The following NELL1 variants were observed in gnomAD, a reference collection of about 807,000 sequenced individuals.
NELL1 encodes the protein neural EGFL like 1.
A neutral mutation model predicts 107.4 loss-of-function variants in NELL1; 76 were observed. That is an observed-to-expected ratio of 0.71 (90% CI 0.59 to 0.86). NELL1 has a LOEUF of 0.86. Among genes scored for constraint, NELL1 ranks in the 40% least tolerant of loss-of-function variants. The probability of loss-of-function intolerance (pLI) is 0.00; values close to 1 mark genes in which losing one functional copy is unlikely to be tolerated. For synonymous variants in NELL1, 353 were observed against 341.2 expected (o/e 1.03, Z -0.38); for missense variants, 1,024 against 1,005.5 (o/e 1.02, Z -0.25).
In NELL1 at chr11:20,701,047, T is replaced by C. The variant is rs141913954; in HGVS notation, c.184+22987T>C. On this transcript the variant is annotated intron_variant, in intron 2 of 19. Transcript: ENST00000357134. Reference sequence around the variant, plus strand: ...TCAGTAATGGGATGGCTGGGTCAAATGGTATTTCTAGTTCTAGATCCTTGA... The same window carrying C: ...TCAGTAATGGGATGGCTGGGTCAAACGGTATTTCTAGTTCTAGATCCTTGA... Among the ~76,000 whole-genome samples the C allele has an allele frequency of 6.0e-3, 909 of 152,276 alleles. 9 individuals carry two copies. The highest frequency in any genetic ancestry group is 0.021 in the African/African-American group (871 of 41,568).
At chr11:21,204,229 G>GACA (rs1857338299) in intron 13 of NELL1, among the ~76,000 whole-genome samples, 1 of 152,062 alleles carries the variant, frequency 6.6e-6, no homozygotes, top group Non-Finnish European at 1.5e-5. Context: ...CCATTCCCCT[G>GACA]TCACTTTCAG....
rs1330512840 is a variant in NELL1 at position 21,162,005 on chromosome 11, C to T, written c.1426+48291C>T. Among the ~76,000 whole-genome samples, 6 of 121,590 alleles carry T rather than the reference C, an allele frequency of 4.9e-5. No homozygotes were observed. In the Admixed American group the frequency reaches 7.0e-4, roughly 14 times the overall value. The allele number at this position is 121,590 out of a possible 152,430, so 79.8% of individuals were successfully genotyped here. A position where few individuals can be genotyped will look rare whatever the true frequency, so the allele number is the denominator to read the frequency against. ...TTGCTCTGTTGCCCAGGCTGGAGTG[C>T]AGTGGTGCAATCTCAGCTCACTTCA... On this transcript the variant is annotated intron_variant, in intron 13 of 19. Coordinates refer to ENST00000357134, the MANE Select transcript of NELL1 (RefSeq NM_006157.5).
At chr11:21,379,433 G>A (rs897640383) in intron 15 of NELL1, among the ~76,000 whole-genome samples, 16 of 152,146 alleles carry the variant, frequency 1.1e-4, no homozygotes, top group Middle Eastern at 3.4e-3. Flanking sequence ...GTATCCAAGT[G>A]TTTTTGAAAT....
chr11:21,026,043 C>G (rs1852806734), intron 12 of NELL1, among the ~76,000 whole-genome samples: 1 of 152,160 alleles, frequency 6.6e-6, no homozygotes, highest in Non-Finnish European at 1.5e-5. Flanking sequence ...TTATTGTCAT[C>G]ATCTTGTTTA....
chr11:21,070,040 G>A (rs982436264), intron 12 of NELL1, among the ~76,000 whole-genome samples: 1 of 152,108 alleles, frequency 6.6e-6, no homozygotes, highest in African/African-American at 2.4e-5. Flanking sequence ...ACGTATATTG[G>A]AGGGACAAAA....
chr11:20,886,857 A>G lies in NELL1; in HGVS notation c.603+1317A>G, dbSNP rs193074442. On this transcript the variant is annotated intron_variant, in intron 5 of 19. Transcript: ENST00000357134. ...TAAAATAATACCAAAAAAAAGTAAG[A>G]TGTAATTTACATACAGGAAAATTCA... is the stretch of plus-strand genomic sequence containing the variant. Among the ~76,000 whole-genome samples, 158 of 152,334 alleles carry G rather than the reference A, an allele frequency of 1.0e-3. 2 individuals are homozygous for G. Among genetic ancestry groups the G allele is most frequent in the African/African-American group, 3.7e-3 (154 of 41,566 alleles).
chr11:21,143,078 T>G (rs182262601), intron 13 of NELL1, among the ~76,000 whole-genome samples: 5 of 152,280 alleles, frequency 3.3e-5, no homozygotes, highest in African/African-American at 9.6e-5. Flanking sequence ...GGGTAAGGAT[T>G]TAAGGAGTGA....
intron 13 of NELL1, among the ~76,000 whole-genome samples, chr11:21,207,750 C>G (rs968508154): frequency 6.6e-6 from 1 of 152,146 alleles, no homozygotes; most frequent in Non-Finnish European, 1.5e-5. Flanking sequence ...CTGTATTTTA[C>G]TCACACACAC....
intron 12 of NELL1, among the ~76,000 whole-genome samples, chr11:21,055,731 G>A (rs759674897): frequency 2.8e-4 from 42 of 152,122 alleles, no homozygotes; most frequent in Non-Finnish European, 4.9e-4. Flanking sequence ...AGGTGGGTCA[G>A]GGATGCCTCT....
intron 3 of NELL1, among the ~76,000 whole-genome samples, chr11:20,795,034 C>T (rs189423404): frequency 1.3e-4 from 20 of 152,308 alleles, no homozygotes; most frequent in East Asian, 5.8e-4. Flanking sequence ...TGCTAGGCTT[C>T]GGGCTACTCT....
At chr11:21,317,227 C>T (rs1168479175) in intron 14 of NELL1, among the ~76,000 whole-genome samples, 1 of 151,840 alleles carries the variant, frequency 6.6e-6, no homozygotes, top group Non-Finnish European at 1.5e-5. Flanking sequence ...ATATACTATT[C>T]CATTGATTGC....
chr11:20,726,443 G>A lies in NELL1; in HGVS notation c.184+48383G>A, dbSNP rs183568867. Among the ~76,000 whole-genome samples the A allele has an allele frequency of 8.2e-3, 1,206 of 147,246 alleles. 10 individuals are homozygous for A. Among genetic ancestry groups the A allele is most frequent in the African/African-American group, 0.028 (1,144 of 40,616 alleles). On this transcript the variant is annotated intron_variant, in intron 2 of 19. Transcript: ENST00000357134. ...TACCAGCACCCTAGTCACTAGCACC[G>A]GAAAAGATAACCATAATCTGACTTC...
chr11:21,080,485 T>C (rs963275655), intron 12 of NELL1, among the ~76,000 whole-genome samples: 5 of 152,142 alleles, frequency 3.3e-5, no homozygotes, highest in Non-Finnish European at 7.4e-5. Flanking sequence ...ATGTTGGATA[T>C]AGTCTCATGT....
At chr11:21,243,238 A>G (rs988395331) in intron 14 of NELL1, among the ~76,000 whole-genome samples, 5 of 152,192 alleles carry the variant, frequency 3.3e-5, no homozygotes, top group African/African-American at 1.2e-4. Flanking sequence ...AATCTAAGGT[A>G]TACTTCTTGT....
chr11:21,392,748 G>A (rs1037305985), intron 15 of NELL1, among the ~76,000 whole-genome samples: 2 of 151,440 alleles, frequency 1.3e-5, no homozygotes, highest in Non-Finnish European at 3.0e-5. Flanking sequence ...AAAGAAAAAA[G>A]GTTAATGGAA....
chr11:20,906,363 T>G (rs902279808), intron 5 of NELL1, among the ~76,000 whole-genome samples: 1 of 152,052 alleles, frequency 6.6e-6, no homozygotes, highest in African/African-American at 2.4e-5. Flanking sequence ...CAAAAATCTC[T>G]CAATCAAGTA....
intron 12 of NELL1, among the ~76,000 whole-genome samples, chr11:21,011,958 G>A (rs1852455984): frequency 1.3e-5 from 2 of 152,168 alleles, no homozygotes; most frequent in South Asian, 4.1e-4. Flanking sequence ...TCACCGTAAT[G>A]TGAAGTGTAG....
intron 13 of NELL1, among the ~76,000 whole-genome samples, chr11:21,200,417 T>C (rs950455091): frequency 2.6e-5 from 4 of 152,172 alleles, no homozygotes; most frequent in Admixed American, 2.0e-4. Context: ...CTTTTTTTCA[T>C]GTTTGTTGGC....
intron 14 of NELL1, among the ~76,000 whole-genome samples, chr11:21,280,044 C>T (rs377390507): frequency 6.6e-6 from 1 of 152,128 alleles, no homozygotes; most frequent in East Asian, 1.9e-4. Context: ...CAGGGGATTC[C>T]AGAGGTTGGG....
Sources: gnomAD v4.1 joint callset for allele counts (sites outside exome capture counted in the v4.1 genomes callset) on GRCh38, gnomAD v4.1.1 for gene constraint, MANE v1.5 for transcripts, NCBI Gene and HGNC (gene_info 2026-07-23, HGNC 2026-07-21) for gene names.